The following TSHZ2 variants were observed in gnomAD, a reference collection of about 807,000 sequenced individuals.
TSHZ2 encodes the protein teashirt homolog 2.
Under a neutral mutation model 74.4 loss-of-function variants are expected in TSHZ2, and 21 were observed. The ratio of observed to expected loss-of-function variants is 0.28; its 90% confidence interval spans 0.20 to 0.41. The LOEUF (loss-of-function observed/expected upper bound fraction) is 0.41. Ranked by LOEUF, TSHZ2 falls within the 10% of genes least tolerant of loss-of-function variation. The pLI is 1.00. For synonymous variants in TSHZ2, 540 were observed against 515.3 expected (o/e 1.05, Z -0.65); for missense variants, 1,244 against 1,293.5 (o/e 0.96, Z 0.59).
At chr20:53,057,252 A>C (rs1984669532) in intron 1 of TSHZ2, among the ~76,000 whole-genome samples, 1 of 152,206 alleles carries the variant, frequency 6.6e-6, no homozygotes. Flanking sequence ...AAAATGGACT[A>C]ATACACCTAG....
intron 2 of TSHZ2, among the ~76,000 whole-genome samples, chr20:53,306,455 C>G (rs894417484): frequency 5.3e-5 from 8 of 152,066 alleles, no homozygotes; most frequent in African/African-American, 1.4e-4. Flanking sequence ...GAATTAGCCA[C>G]CCAGTAGCTA....
intron 1 of TSHZ2, among the ~76,000 whole-genome samples, chr20:52,998,947 A>G (rs1982307866): frequency 6.6e-6 from 1 of 152,224 alleles, no homozygotes; most frequent in African/African-American, 2.4e-5. Context: ...ACTCAACCGA[A>G]CTACTATTTT....
chr20:53,163,407 G>A (rs1318257873), intron 1 of TSHZ2, among the ~76,000 whole-genome samples: 1 of 125,126 alleles, frequency 8.0e-6, no homozygotes. Flanking sequence ...GGCATCTTTG[G>A]TGCCACAGTA....
intron 2 of TSHZ2, among the ~76,000 whole-genome samples, chr20:53,326,505 A>T (rs1390011497): frequency 6.6e-6 from 1 of 152,138 alleles, no homozygotes; most frequent in Non-Finnish European, 1.5e-5. Flanking sequence ...CTGTACATGA[A>T]TTTGATTTGA....
At chr20:53,192,313 A>G (rs1297248810) in intron 1 of TSHZ2, among the ~76,000 whole-genome samples, 4 of 152,122 alleles carry the variant, frequency 2.6e-5, no homozygotes, top group Non-Finnish European at 2.9e-5. Flanking sequence ...AAAAACAAAA[A>G]AACAACTTTG....
chr20:53,100,760 A>G (rs1986193473), intron 1 of TSHZ2, among the ~76,000 whole-genome samples: 1 of 152,174 alleles, frequency 6.6e-6, no homozygotes, highest in Admixed American at 6.5e-5. Context: ...CTTTTATTGA[A>G]CAACCTCTGG....
At chr20:53,207,846 T>G (rs1172003216) in intron 1 of TSHZ2, among the ~76,000 whole-genome samples, 1 of 145,000 alleles carries the variant, frequency 6.9e-6, no homozygotes, top group Non-Finnish European at 1.5e-5. Flanking sequence ...CGTGCCCAGA[T>G]ACATTGTTTT....
At chr20:53,364,320 A>G (rs532393404) in intron 2 of TSHZ2, among the ~76,000 whole-genome samples, 1 of 152,322 alleles carries the variant, frequency 6.6e-6, no homozygotes, top group East Asian at 1.9e-4. Context: ...AGCTGCTAGC[A>G]ACAAGGCAAA....
Position 53,144,977 on chromosome 20 carries a change from G to A in TSHZ2, c.41-108522G>A, listed in dbSNP as rs766386071. Reference sequence around the variant, plus strand: ...AACAATGTTTATTAAAAGAAGATGAGAGAGGAAACAACGGCAAAATTAAAT... The same window carrying A: ...AACAATGTTTATTAAAAGAAGATGAAAGAGGAAACAACGGCAAAATTAAAT... On this transcript the variant is annotated intron_variant, in intron 1 of 2. Coordinates refer to ENST00000371497, the MANE Select transcript of TSHZ2 (RefSeq NM_173485.6). Among the ~76,000 whole-genome samples the A allele has an allele frequency of 1.6e-4, 25 of 152,274 alleles. No individual in the cohort carries two copies. The South Asian group carries it at 2.5e-3, about 15-fold the overall frequency.
At chr20:53,197,761 G>A (rs544334601) in intron 1 of TSHZ2, among the ~76,000 whole-genome samples, 4 of 152,316 alleles carry the variant, frequency 2.6e-5, no homozygotes, top group South Asian at 4.1e-4. Flanking sequence ...TACTGGGCCA[G>A]AACAGACAAA....
chr20:53,069,818 C>T (rs1985115214), intron 1 of TSHZ2, among the ~76,000 whole-genome samples: 1 of 152,014 alleles, frequency 6.6e-6, no homozygotes, highest in African/African-American at 2.4e-5. Context: ...AAGATGACTT[C>T]TTATTAACAT....
At chr20:52,997,090 G>A (rs1180298695) in intron 1 of TSHZ2, among the ~76,000 whole-genome samples, 1 of 152,136 alleles carries the variant, frequency 6.6e-6, no homozygotes, top group Non-Finnish European at 1.5e-5. Flanking sequence ...TGTTTCTTGG[G>A]CTCATATTTG....
intron 2 of TSHZ2, among the ~76,000 whole-genome samples, chr20:53,431,108 A>C (rs1307437186): frequency 3.9e-5 from 6 of 152,132 alleles, no homozygotes; most frequent in Admixed American, 1.3e-4. Context: ...CATGAGATGG[A>C]CTTGTCCAAA....
At chr20:53,152,365 C>A (rs1178855116) in intron 1 of TSHZ2, among the ~76,000 whole-genome samples, 1 of 152,126 alleles carries the variant, frequency 6.6e-6, no homozygotes, top group African/African-American at 2.4e-5. Flanking sequence ...CTAACTTTAA[C>A]CCTGACCTTC....
At position 53,000,181 on chromosome 20, in the gene TSHZ2, T is replaced by C. The variant is rs560774686; in HGVS notation, c.40+26848T>C. On this transcript the variant is annotated intron_variant, in intron 1 of 2. Coordinates refer to ENST00000371497, the MANE Select transcript of TSHZ2 (RefSeq NM_173485.6). ...TGACCTGTGAGCTAAACGCCACCTG[T>C]TTTTGTATGACCTATGGGTTAGAAT... Among the ~76,000 whole-genome samples the C allele has an allele frequency of 3.3e-5, 5 of 152,310 alleles. No homozygotes were observed. The South Asian group carries it at 1.0e-3, about 32-fold the overall frequency.
At chr20:53,297,430 G>C (rs908411711) in intron 2 of TSHZ2, among the ~76,000 whole-genome samples, 1 of 152,062 alleles carries the variant, frequency 6.6e-6, no homozygotes, top group Admixed American at 6.5e-5. Flanking sequence ...TTTAATTAGC[G>C]TGCCGTCTTA....
chr20:53,136,534 G>A (rs1987250356), intron 1 of TSHZ2, among the ~76,000 whole-genome samples: 2 of 152,096 alleles, frequency 1.3e-5, no homozygotes, highest in African/African-American at 4.8e-5. Context: ...CTCTCTTAAA[G>A]CCCACTTCAG....
intron 1 of TSHZ2, among the ~76,000 whole-genome samples, chr20:53,040,079 C>T (rs1983981615): frequency 6.6e-6 from 1 of 152,104 alleles, no homozygotes; most frequent in African/African-American, 2.4e-5. Context: ...GCACTCCAGC[C>T]TGGAGACAGA....
At chr20:53,477,823 C>T (rs1349119163) in intron 2 of TSHZ2, among the ~76,000 whole-genome samples, 1 of 147,348 alleles carries the variant, frequency 6.8e-6, no homozygotes, top group African/African-American at 2.5e-5. Flanking sequence ...AAGAAAAAAA[C>T]AAACAACCCC....
Sources: gnomAD v4.1 joint callset for allele counts (sites outside exome capture counted in the v4.1 genomes callset) on GRCh38, gnomAD v4.1.1 for gene constraint, MANE v1.5 for transcripts, NCBI Gene and HGNC (gene_info 2026-07-23, HGNC 2026-07-21) for gene names.